Variants in DCHS2 observed in about 807,000 individuals in gnomAD.
The protein encoded by DCHS2 is protocadherin-23.
A neutral mutation model predicts 182.4 loss-of-function variants in DCHS2; 142 were observed. That is an observed-to-expected ratio of 0.78 (90% CI 0.68 to 0.89). The LOEUF (loss-of-function observed/expected upper bound fraction) is 0.89. Ranked by LOEUF, DCHS2 falls within the 40% of genes least tolerant of loss-of-function variation. The probability of loss-of-function intolerance (pLI) is 0.00; values close to 1 mark genes in which losing one functional copy is unlikely to be tolerated. For missense variants in DCHS2, 4,319 were observed against 4,198.6 expected, an observed-to-expected ratio of 1.03 and a Z score of -0.79; for synonymous variants, 1,740 against 1,663.3, an observed-to-expected ratio of 1.05 and a Z score of -1.12.
intron 1 of DCHS2, among the ~76,000 whole-genome samples, chr4:154,397,890 C>T (rs1429078422): frequency 2.6e-5 from 4 of 152,050 alleles, no homozygotes; most frequent in Non-Finnish European, 4.4e-5. Flanking sequence ...GAAAACCTGG[C>T]ACAAAATCTC....
At chr4:154,335,223 C>T (rs1728740206) in intron 3 of DCHS2, 119 bp from the exon 4 acceptor site, 9 of 719,740 alleles carry the variant, frequency 1.3e-5, no homozygotes, top group Admixed American at 2.2e-5. Flanking sequence ...TTAACTGGGC[C>T]ACAGGATGTC....
chr4:154,378,311 C>G (rs763488814), intron 1 of DCHS2, among the ~76,000 whole-genome samples: 1 of 152,014 alleles, frequency 6.6e-6, no homozygotes, highest in African/African-American at 2.4e-5. Context: ...AAAAAATTCT[C>G]AAGCTCATAG....
chr4:154,280,267 A>G (rs1307000622), intron 13 of DCHS2, among the ~76,000 whole-genome samples: 1 of 152,158 alleles, frequency 6.6e-6, no homozygotes, highest in Admixed American at 6.6e-5. Context: ...CCAGGACCAG[A>G]TGGCATCACT....
chr4:154,309,853 G>A (rs1022022978), intron 10 of DCHS2, among the ~76,000 whole-genome samples: 2 of 152,186 alleles, frequency 1.3e-5, no homozygotes, highest in African/African-American at 2.4e-5. Context: ...ACCAAATGGC[G>A]CTGACTTTGA....
At chr4:154,242,596 A>T (rs1731877604) in intron 17 of DCHS2, 46 bp downstream of exon 17, 1 of 1,588,368 alleles carries the variant, frequency 6.3e-7, no homozygotes, top group African/African-American at 1.4e-5. Flanking sequence ...GGTAAATGAT[A>T]TTATACAAGT....
chr4:154,298,232 C>T lies in DCHS2; in HGVS notation c.6082G>A (p.Val2028Ile), dbSNP rs752477246. ...GGATCATTGTCATTAACATCAGTGA[C>T]ATATACTTTTATAATTACAGTGGTG... ...RSTTVIIKVYVTDVNDNDPVL... is the reference protein window; with the variant it reads ...RSTTVIIKVYITDVNDNDPVL... The change falls in exon 13 of 20, where the codon GTC (valine) becomes ATC (isoleucine). Residue 2028 changes from valine to isoleucine, a missense_variant. Physicochemically the swap from Val to Ile is conservative, Grantham distance 29 (BLOSUM62 3). Coordinates refer to ENST00000357232, the MANE Select transcript of DCHS2 (RefSeq NM_001358235.2). The T allele has an allele frequency of 5.0e-6, 8 of 1,613,984 alleles. No individual in the cohort carries two copies. The East Asian group carries it at 1.8e-4, about 36-fold the overall frequency.
intron 13 of DCHS2, among the ~76,000 whole-genome samples, chr4:154,293,319 T>A (rs1734753190): frequency 6.6e-6 from 1 of 152,034 alleles, no homozygotes. Context: ...TCTCCCGGAT[T>A]ACAGGCAAGC....
At chr4:154,464,822 A>G (rs1218552085) in intron 1 of DCHS2, among the ~76,000 whole-genome samples, 1 of 152,156 alleles carries the variant, frequency 6.6e-6, no homozygotes, top group Non-Finnish European at 1.5e-5. Context: ...GGACTCCCTC[A>G]CTTTTGGCTG....
intron 14 of DCHS2, among the ~76,000 whole-genome samples, chr4:154,264,720 T>C (rs1372526029): frequency 6.6e-6 from 1 of 152,116 alleles, no homozygotes; most frequent in African/African-American, 2.4e-5. Context: ...AAGTACATTT[T>C]TAACTACCTA....
intron 3 of DCHS2, among the ~76,000 whole-genome samples, chr4:154,348,675 A>T (rs1729468374): frequency 6.6e-6 from 1 of 151,962 alleles, no homozygotes; most frequent in Non-Finnish European, 1.5e-5. Flanking sequence ...GATGAGAGTA[A>T]CACTGCCATA....
Position 154,235,446 on chromosome 4 carries a change from G to A in DCHS2, c.9206C>T (p.Pro3069Leu), listed in dbSNP as rs149548848. Residue 3069 changes from proline (P) to leucine (L), a missense_variant, in exon 20 of 20, where the codon CCG (proline) becomes CTG (leucine). Pro to Leu is a moderately conservative substitution (Grantham distance 98, BLOSUM62 -3). Transcript: ENST00000357232. ...GATACTTATTAAACTCAACCATTCC[G>A]GAGTGGCATCCACAGGGACCACCTC... ...SNEVVPVDATPEWLSLISIME... is the reference protein window; with the variant it reads ...SNEVVPVDATLEWLSLISIME... The A allele has an allele frequency of 9.8e-4, 1,579 of 1,613,990 alleles. 14 individuals carry two copies. Among genetic ancestry groups the A allele is most frequent in the Middle Eastern group, 8.9e-3 (54 of 6,058 alleles).
chr4:154,234,582 C>CTGA lies in DCHS2; in HGVS notation c.10067_10069dup (p.Ile3356dup), dbSNP rs748552475. 6.2e-7 allele frequency: 1 copy of CTGA among 1,613,820 alleles called. No individual in the cohort carries two copies. The highest frequency in any genetic ancestry group is 1.1e-5 in the South Asian group (1 of 91,046). ...TGCTTTAAGTTCATGGCATGTACCA[C>CTGA]TGATGTGTGTTCCTAATAATTCTCC... On this transcript the variant is annotated inframe_insertion, in exon 20 of 20. Transcript: ENST00000357232.
chr4:154,375,340 TGAA>T (rs1328747270), intron 2 of DCHS2, among the ~76,000 whole-genome samples: 1 of 152,058 alleles, frequency 6.6e-6, no homozygotes, highest in Non-Finnish European at 1.5e-5. Flanking sequence ...TCTATTATAA[TGAA>T]GAACTTCTGT....
At chr4:154,474,561 G>A (rs973182818) in intron 1 of DCHS2, among the ~76,000 whole-genome samples, 3 of 152,124 alleles carry the variant, frequency 2.0e-5, no homozygotes, top group African/African-American at 2.4e-5. Context: ...CTCTACGCCC[G>A]ACCCTGCTGC....
intron 1 of DCHS2, chr4:154,486,537 C>G: frequency 7.7e-7 from 1 of 1,303,330 alleles, no homozygotes; most frequent in Non-Finnish European, 1.0e-6. Context: ...AAGAGGAAAA[C>G]TTGTAGATGG....
chr4:154,471,232 A>T (rs1735455026), intron 1 of DCHS2, among the ~76,000 whole-genome samples: 1 of 152,216 alleles, frequency 6.6e-6, no homozygotes, highest in Admixed American at 6.5e-5. Flanking sequence ...TTTGTTTCAG[A>T]ATGATTCCAC....
Position 154,489,652 on chromosome 4 carries a change from C to A in DCHS2, c.1704G>T (p.Glu568Asp). Residue 568 changes from glutamate (E) to aspartate (D), a missense_variant, in exon 1 of 20, where the codon GAG (glutamate) becomes GAT (aspartate). Coordinates refer to ENST00000357232, the MANE Select transcript of DCHS2 (RefSeq NM_001358235.2). Reference protein sequence around the residue: ...VMWVSASDADEAGSDHAWLRY... With the variant: ...VMWVSASDADDAGSDHAWLRY... ...GCAGCCAGGCGTGATCACTGCCTGC[C>A]TCGTCGGCATCGGAGGCGCTGACCC... The A allele has an allele frequency of 6.4e-7, 1 of 1,551,674 alleles. No homozygotes were observed. The highest frequency in any genetic ancestry group is 8.7e-7 in the Non-Finnish European group (1 of 1,146,954).
At chr4:154,304,559 G>A (rs754233643) in intron 12 of DCHS2, 110 bp downstream of exon 12, 129 of 893,566 alleles carry the variant, frequency 1.4e-4, no homozygotes, top group Non-Finnish European at 2.0e-4. Context: ...CTTGAACCTG[G>A]GAGGTGAAGT....
At chr4:154,306,123 C>A (rs4463049) in intron 10 of DCHS2, among the ~76,000 whole-genome samples, 4,203 of 152,188 alleles carry the variant, frequency 0.028, 287 homozygotes, top group Admixed American at 0.16. Context: ...ACATTATGAT[C>A]TGGCAGATAT....
Sources: gnomAD v4.1 joint callset for allele counts (sites outside exome capture counted in the v4.1 genomes callset) on GRCh38, gnomAD v4.1.1 for gene constraint, MANE v1.5 for transcripts, NCBI Gene and HGNC (gene_info 2026-07-23, HGNC 2026-07-21) for gene names.